Variants in DUS4L observed in about 807,000 individuals in gnomAD.
DUS4L encodes dihydrouridine synthase 4 like, also known as tRNA-dihydrouridine(20a/20b) synthase [NAD(P)+]-like.
A neutral mutation model predicts 33.8 loss-of-function variants in DUS4L; 31 were observed. That is an observed-to-expected ratio of 0.92 (90% CI 0.69 to 1.24). The LOEUF (loss-of-function observed/expected upper bound fraction) is 1.24. DUS4L is among the 50% of genes most tolerant of loss of function. DUS4L has a pLI of 0.00. For synonymous variants in DUS4L, 103 were observed against 120.3 expected (o/e 0.86, Z 0.94); for missense variants, 368 against 388.6 (o/e 0.95, Z 0.45).
At chr7:107,574,184 A>C (rs1805519667) in intron 5 of DUS4L, among the ~76,000 whole-genome samples, 1 of 152,106 alleles carries the variant, frequency 6.6e-6, no homozygotes, top group Non-Finnish European at 1.5e-5. Context: ...TGCTCTGAAA[A>C]CAGATTGTTT....
intron 5 of DUS4L, among the ~76,000 whole-genome samples, chr7:107,574,504 A>G (rs868295187): frequency 1.3e-5 from 2 of 152,010 alleles, no homozygotes; most frequent in South Asian, 4.2e-4. Context: ...ACGCCAGGCT[A>G]ATTTTGTATT....
At chr7:107,567,316 A>C (rs1405483908) in intron 3 of DUS4L, 130 bp downstream of exon 3, 1 of 713,372 alleles carries the variant, frequency 1.4e-6, no homozygotes, top group African/African-American at 1.8e-5. Flanking sequence ...ATGACTTAGA[A>C]TTGAGTCATG....
At chr7:107,576,720 G>A in intron 7 of DUS4L, 128 bp downstream of exon 7, 1 of 863,276 alleles carries the variant, frequency 1.2e-6, no homozygotes, top group Non-Finnish European at 1.7e-6. Flanking sequence ...ACTGTTTTAA[G>A]CTAAGCGATT....
chr7:107,568,808 C>T (rs1804939913), intron 3 of DUS4L, among the ~76,000 whole-genome samples: 1 of 152,164 alleles, frequency 6.6e-6, no homozygotes, highest in African/African-American at 2.4e-5. Context: ...TTATGTTTTG[C>T]ATTTAAGTCC....
At chr7:107,575,399 T>C in intron 6 of DUS4L, 89 bp downstream of exon 6, 1 of 1,443,400 alleles carries the variant, frequency 6.9e-7, no homozygotes, top group Non-Finnish European at 9.4e-7. Flanking sequence ...GTTGGGAGTA[T>C]CTATCCTAAA....
chr7:107,572,014 A>G (rs1805281922), intron 4 of DUS4L, among the ~76,000 whole-genome samples: 1 of 150,976 alleles, frequency 6.6e-6, no homozygotes, highest in African/African-American at 2.5e-5. Flanking sequence ...TGTAGCCATG[A>G]ATCTTTTTTT....
intron 1 of DUS4L, 68 bp from the exon 2 acceptor site, chr7:107,564,520 T>G (rs1335652503): frequency 6.5e-6 from 1 of 153,910 alleles, no homozygotes; most frequent in African/African-American, 2.4e-5. Context: ...CCAATAAAAC[T>G]CACTGTCTCT....
chr7:107,564,973 A>G (rs1804478910), intron 2 of DUS4L, among the ~76,000 whole-genome samples: 1 of 152,188 alleles, frequency 6.6e-6, no homozygotes, highest in South Asian at 2.1e-4. Context: ...TTATAACTCA[A>G]TGCATTTCAT....
intron 3 of DUS4L, among the ~76,000 whole-genome samples, chr7:107,568,269 C>G (rs1337663833): frequency 6.6e-6 from 1 of 152,218 alleles, no homozygotes; most frequent in Non-Finnish European, 1.5e-5. Context: ...GTACTGCTTT[C>G]CATAGCAGCT....
intron 3 of DUS4L, among the ~76,000 whole-genome samples, chr7:107,568,512 C>T (rs1584987497): frequency 6.6e-6 from 1 of 152,096 alleles, no homozygotes; most frequent in Non-Finnish European, 1.5e-5. Flanking sequence ...AGTATCTATT[C>T]AAGTGCTTTT....
chr7:107,565,262 C>G (rs1804531670), intron 2 of DUS4L, among the ~76,000 whole-genome samples: 1 of 152,158 alleles, frequency 6.6e-6, no homozygotes, highest in South Asian at 2.1e-4. Context: ...AATCCATATT[C>G]TAAAAGGAGT....
intron 4 of DUS4L, among the ~76,000 whole-genome samples, chr7:107,571,513 A>G (rs905832777): frequency 2.0e-5 from 3 of 152,210 alleles, no homozygotes; most frequent in African/African-American, 4.8e-5. Context: ...GATTCCTGTC[A>G]CACTGCCTCT....
At chr7:107,572,244 T>C (rs950996946) in intron 4 of DUS4L, among the ~76,000 whole-genome samples, 17 of 152,182 alleles carry the variant, frequency 1.1e-4, no homozygotes, top group African/African-American at 4.1e-4. Flanking sequence ...AAATGGTTGT[T>C]AAATTGAAAT....
At chr7:107,569,544 G>T (rs1805011417) in intron 3 of DUS4L, among the ~76,000 whole-genome samples, 1 of 152,174 alleles carries the variant, frequency 6.6e-6, no homozygotes, top group Non-Finnish European at 1.5e-5. Context: ...TTTCTTACTA[G>T]GTTGAGTCTC....
At chr7:107,574,612 A>G (rs1220775769) in intron 5 of DUS4L, among the ~76,000 whole-genome samples, 1 of 152,194 alleles carries the variant, frequency 6.6e-6, no homozygotes, top group Non-Finnish European at 1.5e-5. Flanking sequence ...TGCTGGGATT[A>G]CAGGCCTGAG....
At chr7:107,571,101 T>C in intron 3 of DUS4L, 44 bp from the exon 4 acceptor site, 2 of 1,610,838 alleles carry the variant, frequency 1.2e-6, no homozygotes, top group Non-Finnish European at 1.7e-6. Flanking sequence ...AAAATATGTT[T>C]GTGGTGTTTC....
At chr7:107,568,404 G>T (rs1250080490) in intron 3 of DUS4L, among the ~76,000 whole-genome samples, 1 of 152,154 alleles carries the variant, frequency 6.6e-6, no homozygotes, top group Non-Finnish European at 1.5e-5. Flanking sequence ...GTGTGAAGTG[G>T]TATCTCATTG....
chr7:107,576,775 T>C, intron 7 of DUS4L, 183 bp downstream of exon 7: 1 of 564,776 alleles, frequency 1.8e-6, no homozygotes, highest in Non-Finnish European at 2.9e-6. Flanking sequence ...ACATGGATTA[T>C]CTTAACTGGG....
In DUS4L at chr7:107,564,052, C is replaced by T. The variant is rs112333841; in HGVS notation, c.-268C>T. 4 of 1,512,050 alleles carry T rather than the reference C, an allele frequency of 2.6e-6. No homozygotes were observed. The highest frequency in any genetic ancestry group is 2.7e-6 in the Non-Finnish European group (3 of 1,125,058). 93.7% of individuals were successfully genotyped at this position (1,512,050 alleles called of 1,614,324 possible). On this transcript the variant is annotated 5_prime_UTR_variant, in exon 1 of 8. Transcript: ENST00000265720. ...CGCCTGGGCTAAGCCTGGCTAGGAG[C>T]CGCGCAGGTACTCGAGCAGTGGGCG...
Sources: gnomAD v4.1 joint callset for allele counts (sites outside exome capture counted in the v4.1 genomes callset) on GRCh38, gnomAD v4.1.1 for gene constraint, MANE v1.5 for transcripts, NCBI Gene and HGNC (gene_info 2026-07-23, HGNC 2026-07-21) for gene names.